Variants in SCFD2 observed in about 807,000 individuals in gnomAD.
The protein encoded by SCFD2 is sec1 family domain-containing protein 2.
In SCFD2, 54 loss-of-function variants were observed where a neutral mutation model predicts 58.9. The observed-to-expected ratio is 0.92, with a 90% CI of 0.74 to 1.15. The LOEUF is 1.15. Ranked by LOEUF, SCFD2 falls within the 50% of genes most tolerant of loss-of-function variation. The pLI, the probability that SCFD2 is intolerant of heterozygous loss-of-function variation, is 0.00. For synonymous variants in SCFD2, 321 were observed against 335.9 expected, an observed-to-expected ratio of 0.96 and a Z score of 0.49; for missense variants, 805 against 836.6, an observed-to-expected ratio of 0.96 and a Z score of 0.47.
At chr4:53,074,511 A>C (rs1723913667) in intron 5 of SCFD2, among the ~76,000 whole-genome samples, 1 of 152,150 alleles carries the variant, frequency 6.6e-6, no homozygotes, top group South Asian at 2.1e-4. Context: ...CTTTGCCCAG[A>C]TCCATCAGAG....
At chr4:53,077,313 C>T (rs1724006572) in intron 5 of SCFD2, among the ~76,000 whole-genome samples, 1 of 152,120 alleles carries the variant, frequency 6.6e-6, no homozygotes. Context: ...TTTGCATATA[C>T]ACAAGTTTTC....
chr4:53,309,762 T>C (rs1732632105), intron 3 of SCFD2, among the ~76,000 whole-genome samples: 2 of 152,192 alleles, frequency 1.3e-5, no homozygotes. Flanking sequence ...TCTGTTTGCT[T>C]TGCATTCACT....
intron 3 of SCFD2, among the ~76,000 whole-genome samples, chr4:53,298,760 G>A (rs182206651): frequency 1.1e-4 from 17 of 152,200 alleles, no homozygotes; most frequent in African/African-American, 3.4e-4. Context: ...CCAGAGGAAC[G>A]ATCAGGCAGC....
intron 5 of SCFD2, among the ~76,000 whole-genome samples, chr4:53,086,397 G>T (rs1420062946): frequency 6.6e-6 from 1 of 152,020 alleles, no homozygotes; most frequent in East Asian, 1.9e-4. Flanking sequence ...TGCTGACAAA[G>T]ATATGGAGGA....
intron 4 of SCFD2, among the ~76,000 whole-genome samples, chr4:53,153,306 A>G (rs1726568236): frequency 1.3e-5 from 2 of 152,224 alleles, no homozygotes; most frequent in Non-Finnish European, 2.9e-5. Context: ...GAAGCTGCCA[A>G]GCCTGCTTCA....
chr4:53,133,823 A>G lies in SCFD2; in HGVS notation c.1561+11510T>C, dbSNP rs1406606882. On this transcript the variant is annotated intron_variant, in intron 5 of 8. Transcript: ENST00000401642. The stretch of plus-strand genomic sequence containing the variant: ...GATTTCTAGTGGGGAATGTAAGAGA[A>G]CCCCAATTGAAAGCTCACTAGACTA... Among the ~76,000 whole-genome samples the G allele has an allele frequency of 3.3e-5, 5 of 152,326 alleles. No individual in the cohort carries two copies. In the East Asian group the frequency reaches 9.6e-4, roughly 29 times the overall value.
At chr4:53,194,806 T>C (rs368747884) in intron 4 of SCFD2, among the ~76,000 whole-genome samples, 1 of 152,176 alleles carries the variant, frequency 6.6e-6, no homozygotes, top group African/African-American at 2.4e-5. Context: ...ATATCCCTTC[T>C]GTCTCCAACC....
At chr4:52,980,436 C>T (rs1423933898) in intron 5 of SCFD2, among the ~76,000 whole-genome samples, 1 of 152,132 alleles carries the variant, frequency 6.6e-6, no homozygotes, top group East Asian at 1.9e-4. Flanking sequence ...CAGTGGCTTA[C>T]CTGGGCTGAA....
chr4:53,119,179 A>C (rs1420869564), intron 5 of SCFD2, among the ~76,000 whole-genome samples: 2 of 152,120 alleles, frequency 1.3e-5, no homozygotes, highest in Non-Finnish European at 2.9e-5. Flanking sequence ...TTAGCTAGGC[A>C]TGATGGTGCA....
chr4:53,278,047 G>A (rs1393584235), intron 3 of SCFD2, among the ~76,000 whole-genome samples: 2 of 143,020 alleles, frequency 1.4e-5, no homozygotes, highest in African/African-American at 5.2e-5. Context: ...ACGAGACTCC[G>A]TCTCAAAACA....
chr4:52,952,419 G>C (rs1487304999), intron 5 of SCFD2, among the ~76,000 whole-genome samples: 1 of 151,980 alleles, frequency 6.6e-6, no homozygotes, highest in East Asian at 1.9e-4. Flanking sequence ...CTGCTCCAAG[G>C]GAATGAATAG....
At chr4:52,931,617 T>C (rs1463095221) in intron 5 of SCFD2, among the ~76,000 whole-genome samples, 1 of 152,196 alleles carries the variant, frequency 6.6e-6, no homozygotes, top group Admixed American at 6.5e-5. Flanking sequence ...AGTGAGGAAA[T>C]TTTAATCTGC....
chr4:53,135,508 G>A (rs1725909662), intron 5 of SCFD2, among the ~76,000 whole-genome samples: 1 of 152,298 alleles, frequency 6.6e-6, no homozygotes, highest in African/African-American at 2.4e-5. Context: ...GGCCGAGGTG[G>A]GCGGATCACA....
intron 6 of SCFD2, among the ~76,000 whole-genome samples, chr4:52,915,509 GT>G (rs1172574155): frequency 1.3e-5 from 2 of 152,094 alleles, no homozygotes; most frequent in Non-Finnish European, 2.9e-5. Context: ...TAAGATGACT[GT>G]TTTTTCTCCT....
intron 5 of SCFD2, among the ~76,000 whole-genome samples, chr4:53,098,816 C>G (rs1432379986): frequency 6.6e-6 from 1 of 152,160 alleles, no homozygotes; most frequent in Non-Finnish European, 1.5e-5. Context: ...CATGCACGCA[C>G]ACATTCTGAC....
intron 6 of SCFD2, among the ~76,000 whole-genome samples, chr4:52,919,925 T>C (rs918981104): frequency 2.6e-5 from 4 of 152,216 alleles, no homozygotes; most frequent in African/African-American, 7.2e-5. Context: ...ATAGAGTTTA[T>C]TTTACTAAAG....
At chr4:53,048,613 T>C (rs995738597) in intron 5 of SCFD2, among the ~76,000 whole-genome samples, 7 of 152,256 alleles carry the variant, frequency 4.6e-5, no homozygotes, top group South Asian at 2.1e-4. Context: ...TGGTGGTGCA[T>C]ATCTGTGGTC....
intron 3 of SCFD2, among the ~76,000 whole-genome samples, chr4:53,303,582 C>G (rs887085375): frequency 6.6e-6 from 1 of 152,100 alleles, no homozygotes; most frequent in Non-Finnish European, 1.5e-5. Flanking sequence ...TACCATTTGA[C>G]CCAGCCATCC....
intron 4 of SCFD2, among the ~76,000 whole-genome samples, chr4:53,236,468 A>ATATATATATC (rs1280991551): frequency 6.7e-6 from 1 of 149,932 alleles, no homozygotes; most frequent in East Asian, 1.9e-4. Flanking sequence ...ATATATATAT[A>ATATATATATC]TCCCATTAGT....
Sources: gnomAD v4.1 joint callset for allele counts (sites outside exome capture counted in the v4.1 genomes callset) on GRCh38, gnomAD v4.1.1 for gene constraint, MANE v1.5 for transcripts, NCBI Gene and HGNC (gene_info 2026-07-23, HGNC 2026-07-21) for gene names.